The following CCDC171 variants were observed in gnomAD, a reference collection of about 807,000 sequenced individuals.
CCDC171 encodes coiled-coil domain containing 171, also known as coiled-coil domain-containing protein 171.
In CCDC171, 177 loss-of-function variants were observed where a neutral mutation model predicts 168.2. The observed-to-expected ratio is 1.05, with a 90% confidence interval of 0.93 to 1.19. The LOEUF (loss-of-function observed/expected upper bound fraction) is 1.19. CCDC171 is among the 50% of genes most tolerant of loss of function. The pLI is 0.00. For missense variants in CCDC171, 1,991 were observed against 1,539.0 expected (o/e 1.29, Z -4.91); for synonymous variants, 687 against 540.8 (o/e 1.27, Z -3.75).
chr9:15,784,611 C>G lies in CCDC171; in HGVS notation c.3184C>G (p.Gln1062Glu), dbSNP rs1024849414. The G allele has an allele frequency of 1.9e-6, 3 of 1,613,132 alleles. No homozygotes were observed. Among genetic ancestry groups the G allele is most frequent in the South Asian group, 1.1e-5 (1 of 91,022 alleles). The change falls in exon 21 of 26, where the codon CAA becomes GAA. Residue 1062 changes from glutamine (Q) to glutamate (E), a missense_variant. Transcript: ENST00000380701. ...AATGCTATTGAATGAACAGGCACAA[C>G]AACTACAGGAATTGAATTATAAACT... ...AQMLLNEQAQ[Q>E]LQELNYKLEL...
chr9:15,971,891 G>T lies in CCDC171; in HGVS notation c.*55G>T. On this transcript the variant is annotated 3_prime_UTR_variant, in exon 26 of 26. Coordinates refer to ENST00000380701, the MANE Select transcript of CCDC171 (RefSeq NM_173550.4). Reference sequence around the variant, plus strand: ...TTAACAGTACAATTAAAATTGTTTTGAATGGGAATTTTCTTATCAGTTGAC... The same window carrying T: ...TTAACAGTACAATTAAAATTGTTTTTAATGGGAATTTTCTTATCAGTTGAC... 6.9e-7 allele frequency: 1 copy of T among 1,448,774 alleles called. No individual in the cohort carries two copies. Among genetic ancestry groups the T allele is most frequent in the South Asian group, 1.2e-5 (1 of 83,954 alleles). The allele number at this position is 1,448,774 out of a possible 1,614,324, so 89.7% of individuals were successfully genotyped here.
intron 1 of CCDC171, among the ~76,000 whole-genome samples, chr9:16,046,298 AG>A (rs1833657833): frequency 6.6e-6 from 1 of 152,078 alleles, no homozygotes; most frequent in South Asian, 2.1e-4. Context: ...TCAGAGGAGC[AG>A]GGTGCATTAG....
upstream of CCDC171, among the ~76,000 whole-genome samples, chr9:16,042,171 A>G (rs372650970): frequency 2.0e-5 from 3 of 152,210 alleles, no homozygotes; most frequent in African/African-American, 7.2e-5. Flanking sequence ...TCTCTGGAAT[A>G]GTAAGCTGGC....
intron 25 of CCDC171, among the ~76,000 whole-genome samples, chr9:15,924,729 C>G (rs1420338043): frequency 2.0e-5 from 3 of 151,490 alleles, no homozygotes; most frequent in Non-Finnish European, 4.4e-5. Context: ...TACTCACTTT[C>G]CATTTATTCT....
intron 21 of CCDC171, among the ~76,000 whole-genome samples, chr9:15,827,483 A>G (rs1407562126): frequency 6.6e-6 from 1 of 152,184 alleles, no homozygotes; most frequent in Non-Finnish European, 1.5e-5. Context: ...CTAAAATGGA[A>G]GTTTGCCAGA....
intron 9 of CCDC171, among the ~76,000 whole-genome samples, chr9:15,674,110 C>A (rs548123600): frequency 2.0e-5 from 3 of 152,150 alleles, no homozygotes; most frequent in Non-Finnish European, 4.4e-5. Context: ...TTATCCATTT[C>A]TTCTAGATTT....
chr9:15,623,472 C>CGCGCGCGCGCGT (rs1430942718), intron 7 of CCDC171, 59 bp downstream of exon 7: 14 of 736,524 alleles, frequency 1.9e-5, no homozygotes, highest in Admixed American at 1.5e-4. Flanking sequence ...TATGCGCGCG[C>CGCGCGCGCGCGT]GCGCACACAC....
chr9:15,778,071 G>C (rs1256294444), intron 19 of CCDC171, among the ~76,000 whole-genome samples: 1 of 151,522 alleles, frequency 6.6e-6, no homozygotes, highest in Non-Finnish European at 1.5e-5. Context: ...GCCGAGGCGG[G>C]TGGATCATGA....
intron 24 of CCDC171, among the ~76,000 whole-genome samples, chr9:15,898,923 A>G (rs1821268877): frequency 6.6e-6 from 1 of 152,206 alleles, no homozygotes; most frequent in Non-Finnish European, 1.5e-5. Context: ...ACAGAAAGGT[A>G]CCAACAAAAT....
At chr9:15,627,428 CT>C (rs1359648572) in intron 7 of CCDC171, among the ~76,000 whole-genome samples, 1 of 152,134 alleles carries the variant, frequency 6.6e-6, no homozygotes, top group African/African-American at 2.4e-5. Context: ...AATTTTAGAT[CT>C]TTCCTGCTTT....
intron 1 of CCDC171, among the ~76,000 whole-genome samples, chr9:15,563,426 C>T (rs2039476035): frequency 6.6e-6 from 1 of 152,144 alleles, no homozygotes; most frequent in Admixed American, 6.5e-5. Flanking sequence ...TCGTGAGCCA[C>T]CGCACCCGGC....
In CCDC171 at chr9:15,872,762, A is replaced by G. The variant is rs150735298; in HGVS notation, c.3469-1770A>G. On this transcript the variant is annotated intron_variant, in intron 23 of 25. Coordinates refer to ENST00000380701, the MANE Select transcript of CCDC171 (RefSeq NM_173550.4). ...ACTGTGGTTCAGAAGGGTAGAAGGC[A>G]AAACACTAGTGGTTTGATGTTGATA... Among the ~76,000 whole-genome samples the G allele has an allele frequency of 2.5e-4, 38 of 152,154 alleles. No homozygotes were observed. The East Asian group carries it at 7.4e-3, about 29-fold the overall frequency.
At chr9:15,606,867 C>A (rs1449905562) in intron 6 of CCDC171, among the ~76,000 whole-genome samples, 2 of 152,126 alleles carry the variant, frequency 1.3e-5, no homozygotes, top group African/African-American at 2.4e-5. Context: ...AGAAGAACTT[C>A]CCTCAATTTC....
chr9:15,845,939 A>G (rs997338197), intron 21 of CCDC171, among the ~76,000 whole-genome samples: 1 of 152,118 alleles, frequency 6.6e-6, no homozygotes, highest in African/African-American at 2.4e-5. Flanking sequence ...GCATCTTGAA[A>G]TTTTTGTGTT....
chr9:15,678,910 A>G lies in CCDC171; in HGVS notation c.1215+14A>G. 1 of 1,563,498 alleles carries G rather than the reference A, an allele frequency of 6.4e-7. No individual in the cohort carries two copies. Among genetic ancestry groups the G allele is most frequent in the Non-Finnish European group, 8.6e-7 (1 of 1,158,490 alleles). On this transcript the variant is annotated intron_variant, in intron 10 of 25. Transcript: ENST00000380701. ...GAACTAGTAATGGTAAGGATAAAAA[A>G]GAAAACCCTATGGAAATCACTTTAT...
intron 11 of CCDC171, among the ~76,000 whole-genome samples, chr9:15,720,318 G>A (rs986269349): frequency 7.2e-5 from 11 of 152,028 alleles, no homozygotes; most frequent in Non-Finnish European, 1.6e-4. Flanking sequence ...TAGAATATTT[G>A]AAGAATGGAT....
chr9:15,915,513 G>A (rs554893716), intron 24 of CCDC171, among the ~76,000 whole-genome samples: 1 of 152,028 alleles, frequency 6.6e-6, no homozygotes, highest in African/African-American at 2.4e-5. Flanking sequence ...AGTGTTTTTT[G>A]GTGGGTTCTT....
At chr9:16,095,595 G>T in the CCDC171 span, among the ~76,000 whole-genome samples, 14 of 151,788 alleles carry the variant, frequency 9.2e-5, no homozygotes, top group African/African-American at 3.4e-4. Context: ...ATGGAAAACT[G>T]TGAGTTATTA....
chr9:15,770,622 T>C (rs1418486267), intron 18 of CCDC171, among the ~76,000 whole-genome samples: 5 of 152,200 alleles, frequency 3.3e-5, no homozygotes, highest in Non-Finnish European at 7.4e-5. Context: ...ATGGGAGTTA[T>C]TGATTCTTAA....
Sources: allele counts gnomAD v4.1 joint callset (sites outside exome capture counted in the v4.1 genomes callset), GRCh38; gene constraint gnomAD v4.1.1; transcripts MANE v1.5; gene names NCBI Gene and HGNC (gene_info 2026-07-23, HGNC 2026-07-21).